Variants in DACH1 observed in about 807,000 individuals in gnomAD.
DACH1 encodes dachshund family transcription factor 1, also known as dachshund homolog 1.
A neutral mutation model predicts 54.2 loss-of-function variants in DACH1; 12 were observed. The ratio of observed to expected loss-of-function variants is 0.22; its 90% confidence interval spans 0.14 to 0.36. The LOEUF is 0.36. Among genes scored for constraint, DACH1 ranks in the 10% least tolerant of loss-of-function variants. The probability of loss-of-function intolerance (pLI) is 1.00; values close to 1 mark genes in which losing one functional copy is unlikely to be tolerated. For missense variants in DACH1, 805 were observed against 929.8 expected (o/e 0.87, Z 1.75); for synonymous variants, 386 against 366.2 (o/e 1.05, Z -0.62).
intron 1 of DACH1, among the ~76,000 whole-genome samples, chr13:71,818,199 G>C (rs9318036): frequency 0.65 from 98,899 of 151,960 alleles, 32,824 homozygotes; most frequent in East Asian, 0.88. Context: ...CAAGGAACTA[G>C]AATGTTTGGC....
At chr13:71,746,312 A>G (rs1352422565) in intron 1 of DACH1, among the ~76,000 whole-genome samples, 1 of 152,218 alleles carries the variant, frequency 6.6e-6, no homozygotes, top group Non-Finnish European at 1.5e-5. Context: ...ATAGGAATGG[A>G]AGAAAATGTT....
chr13:71,845,131 G>C (rs569678618), intron 1 of DACH1, among the ~76,000 whole-genome samples: 1 of 152,212 alleles, frequency 6.6e-6, no homozygotes, highest in South Asian at 2.1e-4. Context: ...CCAACACCAA[G>C]AAATGATAAA....
intron 1 of DACH1, among the ~76,000 whole-genome samples, chr13:71,772,234 A>T (rs1024441776): frequency 5.3e-5 from 8 of 151,758 alleles, no homozygotes; most frequent in African/African-American, 1.9e-4. Context: ...TTAATTAAAC[A>T]TACTAAGGAA....
chr13:71,780,105 G>C lies in DACH1; in HGVS notation c.848+85817C>G, dbSNP rs147882405. 1.9e-4 allele frequency among the ~76,000 whole-genome samples: 29 copies of C among 152,124 alleles called. No homozygotes were observed. The East Asian group carries it at 3.5e-3, about 18-fold the overall frequency. ...CCATAAAACATTACTGGGGGATAAGGGTCAGGTAAAGATCAATAGAGATTT... is the reference window on the plus strand; with the variant it reads ...CCATAAAACATTACTGGGGGATAAGCGTCAGGTAAAGATCAATAGAGATTT... On this transcript the variant is annotated intron_variant, in intron 1 of 10. Transcript: ENST00000613252.
Position 71,466,211 on chromosome 13 carries a change from A to G in DACH1, c.2083+8930T>C, listed in dbSNP as rs1876551452. 1.3e-5 allele frequency among the ~76,000 whole-genome samples: 2 copies of G among 152,140 alleles called. 1 individual carries two copies. Among genetic ancestry groups the G allele is most frequent in the African/African-American group, 4.8e-5 (2 of 41,440 alleles). On this transcript the variant is annotated intron_variant, in intron 10 of 10. Coordinates refer to ENST00000613252, the MANE Select transcript of DACH1 (RefSeq NM_080759.6). Reference sequence around the variant, plus strand: ...TTAAATCAAAATGGATCTAGCATTGATCTTTAGGGTCCCCTGCTAATATCT... The same window carrying G: ...TTAAATCAAAATGGATCTAGCATTGGTCTTTAGGGTCCCCTGCTAATATCT...
intron 5 of DACH1, among the ~76,000 whole-genome samples, chr13:71,557,885 A>G (rs1884352231): frequency 6.6e-6 from 1 of 151,788 alleles, no homozygotes; most frequent in Admixed American, 6.6e-5. Flanking sequence ...AAAATGGACT[A>G]AGGAACTGTT....
chr13:71,476,792 T>C (rs1877558790), intron 8 of DACH1, among the ~76,000 whole-genome samples: 1 of 151,994 alleles, frequency 6.6e-6, no homozygotes, highest in Non-Finnish European at 1.5e-5. Flanking sequence ...TTACTACATA[T>C]ATATGTATAC....
intron 10 of DACH1, among the ~76,000 whole-genome samples, chr13:71,468,889 C>T (rs1463476204): frequency 5.9e-5 from 9 of 152,120 alleles, no homozygotes. Flanking sequence ...GGCACAATGG[C>T]TGATGAAAAA....
chr13:71,726,391 AC>A (rs1566460735), intron 1 of DACH1, among the ~76,000 whole-genome samples: 2 of 152,180 alleles, frequency 1.3e-5, no homozygotes, highest in Non-Finnish European at 2.9e-5. Flanking sequence ...GCGTGACTTA[AC>A]AAGAAAACGC....
chr13:71,865,632 C>T (rs541447684), intron 1 of DACH1, among the ~76,000 whole-genome samples: 1 of 152,284 alleles, frequency 6.6e-6, no homozygotes, highest in African/African-American at 2.4e-5. Context: ...CTCTCGTCCC[C>T]TCCGCCCCGA....
At chr13:71,685,201 G>C (rs534355966) in intron 1 of DACH1, among the ~76,000 whole-genome samples, 1 of 152,122 alleles carries the variant, frequency 6.6e-6, no homozygotes, top group South Asian at 2.1e-4. Flanking sequence ...GAATAGACCC[G>C]GTGGGCTCCT....
intron 4 of DACH1, among the ~76,000 whole-genome samples, chr13:71,561,612 A>C (rs1472970051): frequency 6.6e-6 from 1 of 152,138 alleles, no homozygotes; most frequent in African/African-American, 2.4e-5. Context: ...CTAGACTCCA[A>C]TAATGAGAGA....
At chr13:71,447,405 G>A (rs973130568) in intron 10 of DACH1, among the ~76,000 whole-genome samples, 6 of 152,106 alleles carry the variant, frequency 3.9e-5, no homozygotes, top group Non-Finnish European at 8.8e-5. Flanking sequence ...ATTTTTTAAT[G>A]TATTATTATA....
chr13:71,638,079 A>C (rs1190168740), intron 2 of DACH1, among the ~76,000 whole-genome samples: 1 of 152,240 alleles, frequency 6.6e-6, no homozygotes, highest in Non-Finnish European at 1.5e-5. Flanking sequence ...TTACGTATTC[A>C]AACTTTCCAT....
intron 3 of DACH1, among the ~76,000 whole-genome samples, chr13:71,594,374 G>T (rs1263791249): frequency 6.6e-6 from 1 of 151,890 alleles, no homozygotes; most frequent in African/African-American, 2.4e-5. Flanking sequence ...CAGAGATTTA[G>T]AGAGATATAA....
At chr13:71,536,172 T>C (rs1358465135) in intron 6 of DACH1, among the ~76,000 whole-genome samples, 1 of 151,120 alleles carries the variant, frequency 6.6e-6, no homozygotes, top group Admixed American at 6.6e-5. Flanking sequence ...ATTAGAACAA[T>C]TAAATCTAAT....
At chr13:71,451,162 G>A (rs775476522) in intron 10 of DACH1, among the ~76,000 whole-genome samples, 3 of 152,056 alleles carry the variant, frequency 2.0e-5, no homozygotes, top group Admixed American at 6.5e-5. Context: ...TTTTAGTCAC[G>A]AATGAGTGGC....
At position 71,552,192 on chromosome 13, in the gene DACH1, G is replaced by C. The variant is rs189435883; in HGVS notation, c.1570+4832C>G. ...GAGGAAAGGGAGAGACAGAGAAAGA[G>C]AGCGATTGATTTGCATTTCATTTCT... is the stretch of plus-strand genomic sequence containing the variant. On this transcript the variant is annotated intron_variant, in intron 6 of 10. Coordinates refer to ENST00000613252, the MANE Select transcript of DACH1 (RefSeq NM_080759.6). 4.0e-3 allele frequency among the ~76,000 whole-genome samples: 613 copies of C among 152,236 alleles called. 2 individuals are homozygous for C. The highest frequency in any genetic ancestry group is 9.3e-3 in the South Asian group (45 of 4,826).
At chr13:71,587,569 T>C (rs1211614559) in intron 3 of DACH1, among the ~76,000 whole-genome samples, 3 of 152,116 alleles carry the variant, frequency 2.0e-5, no homozygotes, top group African/African-American at 7.2e-5. Flanking sequence ...CTTATTATGA[T>C]GGATTATACA....
Sources: allele counts gnomAD v4.1 joint callset (sites outside exome capture counted in the v4.1 genomes callset), GRCh38; gene constraint gnomAD v4.1.1; transcripts MANE v1.5; gene names NCBI Gene and HGNC (gene_info 2026-07-23, HGNC 2026-07-21).